MICB: variants seen among roughly 807,000 people sequenced by gnomAD.
The protein encoded by MICB is MHC class I polypeptide-related sequence B.
A neutral mutation model predicts 34.3 loss-of-function variants in MICB; 27 were observed. That is an observed-to-expected ratio of 0.79 (90% CI 0.58 to 1.08). MICB has a LOEUF of 1.08. MICB is among the 50% of genes least tolerant of loss of function. The probability of loss-of-function intolerance (pLI) is 0.00; values close to 1 mark genes in which losing one functional copy is unlikely to be tolerated. For synonymous variants in MICB, 153 were observed against 187.4 expected (o/e 0.82, Z 1.50); for missense variants, 426 against 483.1 (o/e 0.88, Z 1.11).
At chr6:31,504,248 C>CT (rs41283858) in intron 1 of MICB, among the ~76,000 whole-genome samples, 19 of 71,428 alleles carry the variant, frequency 2.7e-4, no homozygotes, top group East Asian at 8.9e-4. Context: ...TAATCTCTCT[C>CT]TTTTTCTTTT....
chr6:31,504,145 C>T (rs1367616331), intron 1 of MICB, among the ~76,000 whole-genome samples: 1 of 151,900 alleles, frequency 6.6e-6, no homozygotes, highest in African/African-American at 2.4e-5. Context: ...CCATTTTTCT[C>T]CCCCACATAG....
chr6:31,507,180 C>T lies in MICB; in HGVS notation c.772C>T (p.Pro258Ser), dbSNP rs577963991. 9 of 1,614,120 alleles carry T rather than the reference C, an allele frequency of 5.6e-6. No homozygotes were observed. The East Asian group carries it at 1.1e-4, about 20-fold the overall frequency. The change falls in exon 4 of 6, where the codon CCT becomes TCT. Residue 258 changes from proline to serine, a missense_variant. Physicochemically the swap from Pro to Ser is moderately conservative, Grantham distance 74 (BLOSUM62 -1). Coordinates refer to ENST00000252229, the MANE Select transcript of MICB (RefSeq NM_005931.5). This position sits in a 1 kb window ranked among gnomAD's most constrained non-coding sequence, Gnocchi z 6.0. ...CACCCAGCAGTGGGGGGATGTCCTG[C>T]CTGATGGGAATGGAACCTACCAGAC... is the stretch of plus-strand genomic sequence containing the variant. ...HNTQQWGDVLPDGNGTYQTWV... is the reference protein window; with the variant it reads ...HNTQQWGDVLSDGNGTYQTWV...
upstream of MICB, among the ~76,000 whole-genome samples, chr6:31,496,401 C>G (rs1764665237): frequency 7.8e-6 from 1 of 128,798 alleles, no homozygotes; most frequent in Non-Finnish European, 1.6e-5. Flanking sequence ...GAGCCTTGCT[C>G]TGTTGCCCAG....
intron 1 of MICB, 140 bp from the exon 2 acceptor site, chr6:31,505,477 A>G: frequency 4.9e-6 from 6 of 1,228,198 alleles, no homozygotes; most frequent in South Asian, 1.5e-5. Flanking sequence ...TTCCTTGTAT[A>G]TGAAATCTTC....
At chr6:31,505,975 G>T (rs1230476659) in intron 2 of MICB, 104 bp downstream of exon 2, 1 of 1,491,240 alleles carries the variant, frequency 6.7e-7, no homozygotes, top group Non-Finnish European at 9.0e-7. Context: ...TGGGGGTGGG[G>T]ATGAGGAATA....
At chr6:31,500,011 C>T (rs541716083) in intron 1 of MICB, among the ~76,000 whole-genome samples, 2 of 151,322 alleles carry the variant, frequency 1.3e-5, no homozygotes, top group East Asian at 3.9e-4. Context: ...ATGCTCATGC[C>T]GCCCTCCAGT....
chr6:31,508,452 G>T (rs1355094337), intron 5 of MICB, among the ~76,000 whole-genome samples: 1 of 152,228 alleles, frequency 6.6e-6, no homozygotes, highest in Non-Finnish European at 1.5e-5. Flanking sequence ...ACCTGAGTCT[G>T]GCGGTAGGGG....
At chr6:31,500,779 AG>A (rs1208855762) in intron 1 of MICB, among the ~76,000 whole-genome samples, 9 of 152,224 alleles carry the variant, frequency 5.9e-5, no homozygotes, top group Admixed American at 6.5e-5. Context: ...ATGGCTGAAT[AG>A]TACTCCACAT....
rs1164359427 is a variant in MICB at position 31,507,616 on chromosome 6, G to A, written c.1024+85G>A. 5.5e-5 allele frequency: 84 copies of A among 1,535,928 alleles called. No homozygotes were observed. The highest frequency in any genetic ancestry group is 1.8e-4 in the Middle Eastern group (1 of 5,464). ...CTCATTGCTCCTGCCCAGACAAGACGTAGGTGACAAGGCTGCTGGGACAGG... is the reference window on the plus strand; with the variant it reads ...CTCATTGCTCCTGCCCAGACAAGACATAGGTGACAAGGCTGCTGGGACAGG... On this transcript the variant is annotated intron_variant, in intron 5 of 5. Transcript: ENST00000252229. The surrounding 1 kb of genome is among the most constrained non-coding windows in gnomAD (Gnocchi z 6.0).
upstream of MICB, among the ~76,000 whole-genome samples, chr6:31,497,002 A>G (rs1217874514): frequency 2.6e-5 from 4 of 152,178 alleles, no homozygotes; most frequent in South Asian, 6.2e-4. Context: ...TATGGTTTCC[A>G]TGGTAGAGTA....
chr6:31,496,186 G>T (rs2534678), upstream of MICB, among the ~76,000 whole-genome samples: 22,675 of 146,094 alleles, frequency 0.16, 1,892 homozygotes, highest in Admixed American at 0.26. Flanking sequence ...GTGCGCTGGG[G>T]ACAAGCCAAT....
At chr6:31,497,929 G>A (rs1227916676), upstream of MICB, among the ~76,000 whole-genome samples, 1 of 152,186 alleles carries the variant, frequency 6.6e-6, no homozygotes, top group East Asian at 1.9e-4. Context: ...CTTGATTTTG[G>A]CTGCGCTCGC....
upstream of MICB, chr6:31,496,715 G>A (rs1474703201): frequency 6.6e-6 from 1 of 151,688 alleles, no homozygotes; most frequent in East Asian, 1.9e-4. Context: ...GAAACAGTGG[G>A]AGTGAAGATG....
chr6:31,502,298 T>C (rs1765058967), intron 1 of MICB, among the ~76,000 whole-genome samples: 1 of 152,190 alleles, frequency 6.6e-6, no homozygotes, highest in African/African-American at 2.4e-5. Context: ...ATTGCACCAT[T>C]GCACTCCAGC....
At position 31,509,962 on chromosome 6, in the gene MICB, C is replaced by A; in HGVS notation, c.*53C>A. ...ACTCCCTGCCTGGATCTCACCAGCA[C>A]TTTCCCTCTGTTTCCTGACCTATGA... On this transcript the variant is annotated 3_prime_UTR_variant, in exon 6 of 6. Transcript: ENST00000252229. 1 of 1,516,844 alleles carries A rather than the reference C, an allele frequency of 6.6e-7. No homozygotes were observed. Among genetic ancestry groups the A allele is most frequent in the Non-Finnish European group, 8.8e-7 (1 of 1,132,686 alleles). 94.0% of individuals were successfully genotyped at this position (1,516,844 alleles called of 1,614,324 possible).
intron 2 of MICB, 56 bp downstream of exon 2, chr6:31,505,927 CAG>C (rs1765292097): frequency 2.0e-6 from 3 of 1,535,594 alleles, no homozygotes; most frequent in Non-Finnish European, 1.8e-6. Context: ...AAGTTGGAGA[CAG>C]AGAGCAGGGA....
At chr6:31,498,364 T>C in intron 1 of MICB, 101 bp downstream of exon 1, 1 of 940,932 alleles carries the variant, frequency 1.1e-6, no homozygotes, top group South Asian at 1.6e-5. Context: ...AGGGCGGGGC[T>C]CAGGTGTGCT....
rs1765411315 is a variant in MICB at position 31,507,372 on chromosome 6, C to T, written c.893-28C>T. ...GCAAGGACGGCTGTGGCTCTCTGCC[C>T]AGTGTATAACAAGTCCCTTTTTTTC... On this transcript the variant is annotated intron_variant, in intron 4 of 5. Transcript: ENST00000252229. The surrounding 1 kb of genome is among the most constrained non-coding windows in gnomAD (Gnocchi z 6.0). 5 of 1,613,900 alleles carry T rather than the reference C, an allele frequency of 3.1e-6. No homozygotes were observed. In the East Asian group the frequency reaches 1.1e-4, roughly 36 times the overall value.
chr6:31,498,116 A>G, upstream of MICB: 1 of 1,284,528 alleles, frequency 7.8e-7, no homozygotes, highest in African/African-American at 1.5e-5. Context: ...CAGGTGACTA[A>G]ATTTCGACGG....
Sources: allele counts gnomAD v4.1 joint callset (sites outside exome capture counted in the v4.1 genomes callset), GRCh38; gene constraint gnomAD v4.1.1; non-coding constraint Gnocchi (gnomAD v3.1); transcripts MANE v1.5; gene names NCBI Gene and HGNC (gene_info 2026-07-23, HGNC 2026-07-21).